The following TRPM1 variants were observed in gnomAD, a reference collection of about 807,000 sequenced individuals.
The protein encoded by TRPM1 is TRPM1-203 APA Isoform, Intron 10.
In TRPM1, 113 loss-of-function variants were observed where a neutral mutation model predicts 149.4. The observed-to-expected ratio is 0.76, with a 90% CI of 0.65 to 0.88. TRPM1 has a LOEUF of 0.88. Among genes scored for constraint, TRPM1 ranks in the 40% least tolerant of loss-of-function variants. The pLI is 0.00. For synonymous variants in TRPM1, 741 were observed against 759.5 expected, an observed-to-expected ratio of 0.98 and a Z score of 0.40; for missense variants, 1,976 against 2,038.7, an observed-to-expected ratio of 0.97 and a Z score of 0.59.
In TRPM1 at chr15:31,081,128, C is replaced by A. The variant is rs1235829270; in HGVS notation, c.3+225G>T. Among the ~76,000 whole-genome samples the A allele has an allele frequency of 2.0e-5, 3 of 152,162 alleles. No individual in the cohort carries two copies. The East Asian group carries it at 5.8e-4, about 29-fold the overall frequency. Reference sequence around the variant, plus strand: ...GGCATCGGTCTTGCATTTTGTCCCCCAGATTCCGAAAAGGAGGGCTTTTCA... The same window carrying A: ...GGCATCGGTCTTGCATTTTGTCCCCAAGATTCCGAAAAGGAGGGCTTTTCA... On this transcript the variant is annotated intron_variant, in intron 2 of 27. Transcript: ENST00000256552.
intron 15 of TRPM1, among the ~76,000 whole-genome samples, chr15:31,046,786 G>A (rs900402742): frequency 6.6e-6 from 1 of 152,216 alleles, no homozygotes; most frequent in African/African-American, 2.4e-5. Flanking sequence ...ATGCAGGCAT[G>A]TCCCTTGCTT....
chr15:31,051,421 C>T (rs1026075697), intron 11 of TRPM1, among the ~76,000 whole-genome samples: 3 of 152,240 alleles, frequency 2.0e-5, no homozygotes, highest in Admixed American at 6.5e-5. Context: ...GCTGCTTCTT[C>T]CATCTGTCCT....
At position 31,002,287 on chromosome 15, in the gene TRPM1, G is replaced by T; in HGVS notation, c.4413C>A (p.Val1471=). 6.2e-7 allele frequency: 1 copy of T among 1,614,158 alleles called. No individual in the cohort carries two copies. The highest frequency in any genetic ancestry group is 8.5e-7 in the Non-Finnish European group (1 of 1,180,030). The change falls in exon 28 of 28, where the codon GTC becomes GTA. Residue 1471 remains valine, a synonymous_variant. Coordinates refer to ENST00000256552, the MANE Select transcript of TRPM1 (RefSeq NM_001252024.2). The part of the protein sequence containing the change: ...SFVYSRGRKL[V]GGVNQDVEYS... Reference sequence around the variant, plus strand: ...ACTCTACATCCTGGTTAACCCCACCGACCAGCTTTCTTCCCCGGGAATAGA... The same window carrying T: ...ACTCTACATCCTGGTTAACCCCACCTACCAGCTTTCTTCCCCGGGAATAGA...
intron 1 of TRPM1, among the ~76,000 whole-genome samples, chr15:31,153,412 C>G (rs992205130): frequency 6.6e-6 from 1 of 152,190 alleles, no homozygotes; most frequent in Admixed American, 6.5e-5. Flanking sequence ...GCAACCTCCG[C>G]CTCCCAGGTT....
intron 11 of TRPM1, among the ~76,000 whole-genome samples, chr15:31,054,227 C>T (rs1264446196): frequency 1.3e-5 from 2 of 151,812 alleles, no homozygotes; most frequent in Non-Finnish European, 2.9e-5. Flanking sequence ...AATAAATTGC[C>T]TTTTGTTACC....
At position 31,041,939 on chromosome 15, in the gene TRPM1, C is replaced by A; in HGVS notation, c.2087+12G>T. 1.9e-6 allele frequency: 3 copies of A among 1,614,138 alleles called. No individual in the cohort carries two copies. The highest frequency in any genetic ancestry group is 2.5e-6 in the Non-Finnish European group (3 of 1,180,006). On this transcript the variant is annotated intron_variant, in intron 17 of 27. Coordinates refer to ENST00000256552, the MANE Select transcript of TRPM1 (RefSeq NM_001252024.2). Reference sequence around the variant, plus strand: ...ATCTCTCCTGGCCTTTAAATCCCCGCTAGACACTAACTTGGAATTGTTATC... The same window carrying A: ...ATCTCTCCTGGCCTTTAAATCCCCGATAGACACTAACTTGGAATTGTTATC...
At chr15:31,125,356 AGT>A (rs1567069389) in intron 1 of TRPM1, among the ~76,000 whole-genome samples, 54 of 152,070 alleles carry the variant, frequency 3.6e-4, no homozygotes, top group African/African-American at 1.3e-3. Flanking sequence ...GGAGACAGGA[AGT>A]ACATGGGAGC....
chr15:31,150,733 G>A lies in TRPM1; in HGVS notation c.54+10173C>T, dbSNP rs551393725. Among the ~76,000 whole-genome samples the A allele has an allele frequency of 2.0e-5, 3 of 152,166 alleles. No individual in the cohort carries two copies. The South Asian group carries it at 6.2e-4, about 32-fold the overall frequency. On this transcript the variant is annotated intron_variant, in intron 1 of 26. Coordinates refer to the TRPM1 transcript ENST00000542188. ...ATAGGCATGAGCCACTGCACTTGGCGGTTGAATACTTTCGAACAAAAGAAC... is the reference window on the plus strand; with the variant it reads ...ATAGGCATGAGCCACTGCACTTGGCAGTTGAATACTTTCGAACAAAAGAAC...
chr15:31,016,988 CAA>C (rs1555416814), intron 27 of TRPM1, among the ~76,000 whole-genome samples: 24,756 of 102,264 alleles, frequency 0.24, 2,577 homozygotes, highest in Non-Finnish European at 0.31. Flanking sequence ...CACACACACA[CAA>C]AAAAAAAACT....
At chr15:31,080,557 C>T (rs1596048723) in intron 2 of TRPM1, among the ~76,000 whole-genome samples, 1 of 152,094 alleles carries the variant, frequency 6.6e-6, no homozygotes, top group Non-Finnish European at 1.5e-5. Flanking sequence ...CAAGGAAGAA[C>T]TGAGGGAAGA....
intron 1 of TRPM1, among the ~76,000 whole-genome samples, chr15:31,125,906 G>A (rs1453287246): frequency 6.6e-6 from 1 of 151,958 alleles, no homozygotes; most frequent in African/African-American, 2.4e-5. Flanking sequence ...TGATGCAGGT[G>A]GATCACTTGA....
At position 31,002,632 on chromosome 15, in the gene TRPM1, T is replaced by G; in HGVS notation, c.4068A>C (p.Ala1356=). 6.2e-7 allele frequency: 1 copy of G among 1,614,216 alleles called. No homozygotes were observed. ...CTGCAAGGTGACTGCCATCTGGGGT[T>G]GCTGATGTGCTTGTGCCCAGTGAAA... ...LHLSLGTSTS[A]TPDGSHLAVD... The change falls in exon 28 of 28, where the codon GCA becomes GCC. Residue 1356 remains alanine (A), a synonymous_variant. Coordinates refer to ENST00000256552, the MANE Select transcript of TRPM1 (RefSeq NM_001252024.2).
At chr15:31,006,568 A>G (rs1013646413) in intron 27 of TRPM1, among the ~76,000 whole-genome samples, 2 of 152,264 alleles carry the variant, frequency 1.3e-5, no homozygotes, top group Non-Finnish European at 2.9e-5. Flanking sequence ...AAGAGCTGCT[A>G]TAAACATTCA....
chr15:31,095,450 C>T (rs1221626948), intron 1 of TRPM1, among the ~76,000 whole-genome samples: 1 of 151,936 alleles, frequency 6.6e-6, no homozygotes, highest in African/African-American at 2.4e-5. Context: ...TTTGGGAGGC[C>T]GAGGCGGGTG....
At chr15:31,158,724 A>G (rs1360043390) in intron 1 of TRPM1, among the ~76,000 whole-genome samples, 1 of 152,042 alleles carries the variant, frequency 6.6e-6, no homozygotes, top group Non-Finnish European at 1.5e-5. Flanking sequence ...AAGGAGGAAC[A>G]CGTCCACCCT....
rs764007624 is a variant in TRPM1, at chr15:31,038,055, C to G, written c.2428G>C (p.Glu810Gln). ...AGTGTGTCACTGACCGTATTTTCCT[C>G]TTCTTTTTCTTTGCCATCCTCATTT... ...KENEDGKEKE[E>Q]ENTDANADAG... The change falls in exon 19 of 28, where the codon GAG becomes CAG. Residue 810 changes from glutamate (E) to glutamine (Q), a missense_variant. Coordinates refer to ENST00000256552, the MANE Select transcript of TRPM1 (RefSeq NM_001252024.2). The G allele has an allele frequency of 2.5e-6, 4 of 1,614,172 alleles. No homozygotes were observed. The highest frequency in any genetic ancestry group is 3.3e-4 in the Middle Eastern group (2 of 6,062).
chr15:31,110,646 C>T (rs1431089953), intron 1 of TRPM1, among the ~76,000 whole-genome samples: 1 of 152,160 alleles, frequency 6.6e-6, no homozygotes, highest in Non-Finnish European at 1.5e-5. Flanking sequence ...TTTTGCACCA[C>T]TCTTCTGCAC....
chr15:31,104,167 CT>C (rs1242254098), upstream of TRPM1, among the ~76,000 whole-genome samples: 1 of 152,088 alleles, frequency 6.6e-6, no homozygotes, highest in Non-Finnish European at 1.5e-5. Flanking sequence ...GGGTGCAGTC[CT>C]TCTCCTCATG....
At chr15:31,035,904 T>G in intron 20 of TRPM1, 1 of 596,464 alleles carries the variant, frequency 1.7e-6, no homozygotes, top group South Asian at 1.9e-5. Flanking sequence ...CTTTTCATTT[T>G]CTACATGGAG....
Sources: allele counts gnomAD v4.1 joint callset (sites outside exome capture counted in the v4.1 genomes callset), GRCh38; gene constraint gnomAD v4.1.1; transcripts MANE v1.5; gene names NCBI Gene and HGNC (gene_info 2026-07-23, HGNC 2026-07-21).